The following AHRR variants were observed in gnomAD, a reference collection of about 807,000 sequenced individuals.
AHRR encodes aryl hydrocarbon receptor repressor.
AHRR carries 28 observed loss-of-function variants against 44.0 expected under a neutral mutation model. The observed-to-expected ratio is 0.64, with a 90% CI of 0.47 to 0.87. The LOEUF (loss-of-function observed/expected upper bound fraction) is 0.87. Ranked by LOEUF, AHRR falls within the 40% of genes least tolerant of loss-of-function variation. The pLI is 0.00. For missense variants in AHRR, 990 were observed against 953.9 expected, an observed-to-expected ratio of 1.04 and a Z score of -0.50; for synonymous variants, 434 against 407.0, an observed-to-expected ratio of 1.07 and a Z score of -0.80.
intron 2 of AHRR, among the ~76,000 whole-genome samples, chr5:344,287 A>C (rs866957582): frequency 1.3e-4 from 20 of 150,790 alleles, no homozygotes; most frequent in African/African-American, 4.6e-4. Context: ...GGGCCACGGC[A>C]GCTTCCCAGG....
intron 2 of AHRR, among the ~76,000 whole-genome samples, chr5:353,441 G>A (rs1742928480): frequency 6.6e-6 from 1 of 152,180 alleles, no homozygotes; most frequent in Non-Finnish European, 1.5e-5. Context: ...TGCCTGTCCC[G>A]CAGCTGGGGG....
chr5:345,070 ATGTG>A (rs150724632), intron 2 of AHRR, among the ~76,000 whole-genome samples: 769 of 10,126 alleles, frequency 0.076, 138 homozygotes, highest in Non-Finnish European at 0.13. Flanking sequence ...GTGTGTGGGG[ATGTG>A]TGTGTGTGTG....
At chr5:331,790 C>T (rs1741921490) in intron 1 of AHRR, among the ~76,000 whole-genome samples, 1 of 152,114 alleles carries the variant, frequency 6.6e-6, no homozygotes, top group African/African-American at 2.4e-5. Context: ...ACTGTGCTTA[C>T]GAAGGATCTA....
Position 353,108 on chromosome 5 carries a change from A to C in AHRR, c.63-622A>C, listed in dbSNP as rs544119342. 3.3e-3 allele frequency among the ~76,000 whole-genome samples: 507 copies of C among 152,014 alleles called. 1 individual carries two copies. The highest frequency in any genetic ancestry group is 0.012 in the African/African-American group (480 of 41,468). ...AGCAGGCCTGCTCTGGCTTATTAGG[A>C]GAATTGGGTGATGGCCCTCACTGCC... On this transcript the variant is annotated intron_variant, in intron 2 of 10. Transcript: ENST00000684583.
intron 7 of AHRR, among the ~76,000 whole-genome samples, chr5:424,551 C>G (rs576299863): frequency 6.6e-6 from 1 of 151,518 alleles, no homozygotes; most frequent in Non-Finnish European, 1.5e-5. Flanking sequence ...ATGAGTCAAC[C>G]GTGAGGCCTG....
chr5:380,004 T>C (rs1387035582), intron 4 of AHRR, among the ~76,000 whole-genome samples: 1 of 152,218 alleles, frequency 6.6e-6, no homozygotes, highest in Non-Finnish European at 1.5e-5. Context: ...TTAACTTTGG[T>C]ATGAGATGTG....
At chr5:367,964 T>C in intron 3 of AHRR, 1 of 702,398 alleles carries the variant, frequency 1.4e-6, no homozygotes, top group Non-Finnish European at 2.6e-6. Context: ...GCAGGACTGA[T>C]AGCCACTGAC....
At chr5:384,994 A>G (rs1734113555) in intron 4 of AHRR, among the ~76,000 whole-genome samples, 1 of 151,790 alleles carries the variant, frequency 6.6e-6, no homozygotes, top group African/African-American at 2.4e-5. Flanking sequence ...AAATACAAAA[A>G]TTATCCGGGC....
chr5:335,578 C>G (rs766206695), intron 1 of AHRR, among the ~76,000 whole-genome samples: 8 of 152,170 alleles, frequency 5.3e-5, no homozygotes, highest in African/African-American at 1.9e-4. Context: ...AGTGCATGCA[C>G]CAACTGTGAC....
intron 7 of AHRR, among the ~76,000 whole-genome samples, chr5:427,438 C>CA (rs1394834539): frequency 9.0e-3 from 2 of 222 alleles, no homozygotes; most frequent in Non-Finnish European, 0.019. Context: ...GAATTCTTGC[C>CA]AGGGGTTTGC....
chr5:420,442 T>C (rs1218406392), intron 5 of AHRR, among the ~76,000 whole-genome samples: 4 of 152,230 alleles, frequency 2.6e-5, no homozygotes, highest in African/African-American at 9.6e-5. Flanking sequence ...CACCAAACAC[T>C]AGCTGGGGGG....
intron 4 of AHRR, among the ~76,000 whole-genome samples, chr5:380,354 G>A (rs1040666742): frequency 2.0e-5 from 3 of 151,894 alleles, no homozygotes; most frequent in African/African-American, 7.3e-5. Context: ...CTTATTGACC[G>A]ATATCTACAA....
intron 5 of AHRR, chr5:418,766 G>C (rs1308075011): frequency 1.3e-5 from 2 of 152,388 alleles, no homozygotes; most frequent in Non-Finnish European, 2.9e-5. Context: ...TGGAGAGAGA[G>C]AGCTCCAGAA....
At chr5:364,159 G>A (rs953765646) in intron 3 of AHRR, among the ~76,000 whole-genome samples, 3 of 152,166 alleles carry the variant, frequency 2.0e-5, no homozygotes, top group Non-Finnish European at 4.4e-5. Context: ...TTGTGGGCTG[G>A]TAGGAAATTA....
rs1028798071 is a variant in AHRR, at chr5:435,852, G to T, written c.*1018G>T. ...ATAGCATTAAAACAGTTGTAAAGGC[G>T]ATATTTTCTGAGAGTAGGAAATTTG... On this transcript the variant is annotated 3_prime_UTR_variant, in exon 11 of 11. Transcript: ENST00000684583. 3 of 152,706 alleles carry T rather than the reference G, an allele frequency of 2.0e-5. No homozygotes were observed. The highest frequency in any genetic ancestry group is 7.2e-5 in the African/African-American group (3 of 41,424). The allele number at this position is 152,706 out of a possible 1,614,324, so 9.5% of individuals were successfully genotyped here.
At chr5:330,138 C>G (rs539674547) in intron 1 of AHRR, among the ~76,000 whole-genome samples, 3 of 151,936 alleles carry the variant, frequency 2.0e-5, no homozygotes, top group Admixed American at 6.6e-5. Flanking sequence ...GTGGTATGTT[C>G]CTTCTGTGCC....
rs567467646 is a variant in AHRR, at chr5:340,273, G to A, written c.-10-3620G>A. ...GGAATTCCTCTATTTCATCTAAATC[G>A]TTGAATTTTTGGGATAGTATTTGTC... On this transcript the variant is annotated intron_variant, in intron 1 of 10. Transcript: ENST00000684583. Among the ~76,000 whole-genome samples, 143 of 152,106 alleles carry A rather than the reference G, an allele frequency of 9.4e-4. 2 individuals are homozygous for A. The highest frequency in any genetic ancestry group is 2.7e-3 in the African/African-American group (110 of 41,498).
chr5:390,521 A>G (rs2672740), intron 4 of AHRR, among the ~76,000 whole-genome samples: 51,644 of 152,140 alleles, frequency 0.34, 13,324 homozygotes, highest in African/African-American at 0.73. Context: ...CCGGAGAAGC[A>G]TTTGACGTTA....
chr5:398,666 C>A (rs1343139811), intron 4 of AHRR, among the ~76,000 whole-genome samples: 1 of 152,190 alleles, frequency 6.6e-6, no homozygotes, highest in Non-Finnish European at 1.5e-5. Context: ...CCGTGCGTGC[C>A]CCACCCCCCT....
Sources: allele counts gnomAD v4.1 joint callset (sites outside exome capture counted in the v4.1 genomes callset), GRCh38; gene constraint gnomAD v4.1.1; transcripts MANE v1.5; gene names NCBI Gene and HGNC (gene_info 2026-07-23, HGNC 2026-07-21).